Variants in PTGER3 observed in about 807,000 individuals in gnomAD.
PTGER3 encodes the protein prostaglandin E2 receptor EP3 subtype.
A neutral mutation model predicts 34.7 loss-of-function variants in PTGER3; 22 were observed. That is an observed-to-expected ratio of 0.63 (90% CI 0.45 to 0.91). The LOEUF (loss-of-function observed/expected upper bound fraction) is 0.91, where lower values mean the gene tolerates loss of function less well. PTGER3 is among the 40% of genes least tolerant of loss of function. The probability of loss-of-function intolerance (pLI) is 0.00; values close to 1 mark genes in which losing one functional copy is unlikely to be tolerated. For missense variants in PTGER3, 468 were observed against 519.4 expected, an observed-to-expected ratio of 0.90 and a Z score of 0.96; for synonymous variants, 241 against 230.1, an observed-to-expected ratio of 1.05 and a Z score of -0.43.
chr1:70,945,519 C>G (rs1043441166), intron 4 of PTGER3, among the ~76,000 whole-genome samples: 2 of 152,020 alleles, frequency 1.3e-5, no homozygotes, highest in African/African-American at 4.8e-5. Context: ...CTTATACAAC[C>G]TAATAGGACT....
chr1:71,012,670 C>G (rs1057114138), intron 1 of PTGER3, among the ~76,000 whole-genome samples, 186 bp from the exon 2 acceptor site: 4 of 152,134 alleles, frequency 2.6e-5, no homozygotes, highest in African/African-American at 9.7e-5. Flanking sequence ...GGTATTTTCC[C>G]ACATTTGTGG....
chr1:71,039,361 A>G (rs1017874409), intron 1 of PTGER3, among the ~76,000 whole-genome samples: 24 of 152,068 alleles, frequency 1.6e-4, no homozygotes, highest in Admixed American at 1.2e-3. Flanking sequence ...GGAGGGATGA[A>G]TTACAATACC....
chr1:70,990,336 GAC>G (rs1655326944), intron 2 of PTGER3, among the ~76,000 whole-genome samples: 1 of 143,080 alleles, frequency 7.0e-6, no homozygotes, highest in African/African-American at 2.6e-5. Context: ...CAGCCTGGGC[GAC>G]AGAACGAGAC....
downstream of PTGER3, among the ~76,000 whole-genome samples, chr1:70,950,258 T>C (rs1222068813): frequency 6.6e-6 from 1 of 152,216 alleles, no homozygotes; most frequent in Admixed American, 6.5e-5. Context: ...CCTTACTTCT[T>C]GCACATCTAG....
chr1:70,869,548 A>T (rs1230703265), intron 4 of PTGER3, among the ~76,000 whole-genome samples: 4 of 152,164 alleles, frequency 2.6e-5, no homozygotes, highest in Non-Finnish European at 5.9e-5. Context: ...AGTTCCTTCC[A>T]CCTATAAGCC....
chr1:70,987,640 G>A (rs1198018553), intron 2 of PTGER3, among the ~76,000 whole-genome samples: 1 of 152,122 alleles, frequency 6.6e-6, no homozygotes, highest in African/African-American at 2.4e-5. Flanking sequence ...TCACTGTCAG[G>A]GGCAAAACAC....
intron 4 of PTGER3, among the ~76,000 whole-genome samples, chr1:70,888,641 A>C (rs1646548379): frequency 6.6e-6 from 1 of 152,110 alleles, no homozygotes. Context: ...TGTTTCCTTT[A>C]ACCTGCTTTC....
At chr1:70,891,680 AC>A (rs1646620895) in intron 4 of PTGER3, among the ~76,000 whole-genome samples, 1 of 152,206 alleles carries the variant, frequency 6.6e-6, no homozygotes, top group African/African-American at 2.4e-5. Flanking sequence ...TGTTCTTGAT[AC>A]AGTCTGCTTG....
chr1:71,020,970 A>G (rs1658364494), intron 1 of PTGER3, among the ~76,000 whole-genome samples: 1 of 152,018 alleles, frequency 6.6e-6, no homozygotes, highest in Non-Finnish European at 1.5e-5. Context: ...AATAATTAAT[A>G]CCTTCAATTT....
At chr1:70,966,393 A>C (rs1652517106), downstream of PTGER3, among the ~76,000 whole-genome samples, 1 of 152,190 alleles carries the variant, frequency 6.6e-6, no homozygotes, top group South Asian at 2.1e-4. Flanking sequence ...AACCTATAGA[A>C]ATAAAAAATT....
Position 70,974,394 on chromosome 1 carries a change from AACAG to A in PTGER3, c.1078-10_1078-7del. On this transcript the variant is annotated splice_region_variant and splice_polypyrimidine_tract_variant and intron_variant, in intron 2 of 3. Coordinates refer to ENST00000306666, the MANE Select transcript of PTGER3 (RefSeq NM_198719.2). The stretch of plus-strand genomic sequence containing the variant: ...TTGTTTGTGTGGTACCTGATCTGTG[AACAG>A]ACAGAGGATTTCACAGGACACTTCC... 1.0e-6 allele frequency: 1 copy of A among 957,706 alleles called. No individual in the cohort carries two copies. The allele number at this position is 957,706 out of a possible 1,614,324, so 59.3% of individuals were successfully genotyped here. A position where few individuals can be genotyped will look rare whatever the true frequency, so the allele number is the denominator to read the frequency against.
downstream of PTGER3, among the ~76,000 whole-genome samples, chr1:70,966,999 T>G (rs1652595164): frequency 2.6e-5 from 4 of 152,112 alleles, no homozygotes; most frequent in Admixed American, 2.6e-4. Flanking sequence ...GTATTTCTGG[T>G]TCTAGATCCT....
At chr1:70,882,776 G>A (rs189565336) in intron 4 of PTGER3, among the ~76,000 whole-genome samples, 12 of 152,246 alleles carry the variant, frequency 7.9e-5, no homozygotes, top group Non-Finnish European at 1.6e-4. Context: ...TTTACCATGT[G>A]GGAGAGGTTC....
chr1:70,977,848 T>G (rs1653862134), intron 2 of PTGER3, among the ~76,000 whole-genome samples: 1 of 152,064 alleles, frequency 6.6e-6, no homozygotes, highest in Non-Finnish European at 1.5e-5. Context: ...TTGCCTCCCT[T>G]TAACACCAGC....
At chr1:70,965,953 T>A (rs1342519185), downstream of PTGER3, among the ~76,000 whole-genome samples, 2 of 152,180 alleles carry the variant, frequency 1.3e-5, no homozygotes, top group Non-Finnish European at 2.9e-5. Context: ...TTCCAATGCA[T>A]CTAAAGAGAT....
downstream of PTGER3, among the ~76,000 whole-genome samples, chr1:70,965,789 T>C (rs1652454119): frequency 6.6e-6 from 1 of 152,278 alleles, no homozygotes; most frequent in South Asian, 2.1e-4. Context: ...GTATTTTTCA[T>C]TGTTCTGTGG....
intron 2 of PTGER3, chr1:71,008,056 GT>G (rs1657119151): frequency 7.1e-6 from 7 of 983,708 alleles, no homozygotes; most frequent in Non-Finnish European, 8.4e-6. Flanking sequence ...AAAATATGAA[GT>G]TATTATCTCT....
intron 2 of PTGER3, 102 bp from the exon 3 acceptor site, chr1:70,974,490 A>T: frequency 1.5e-6 from 1 of 665,298 alleles, no homozygotes; most frequent in East Asian, 2.7e-5. Flanking sequence ...TATGATCAAT[A>T]TGGATGTTTT....
In PTGER3 at chr1:70,979,304, G is replaced by GA. The variant is rs33963138; in HGVS notation, c.1078-4917dup. Among the ~76,000 whole-genome samples, 1,030 of 140,940 alleles carry GA rather than the reference G, an allele frequency of 7.3e-3. 25 individuals carry two copies. Among genetic ancestry groups the GA allele is most frequent in the Admixed American group, 0.057 (808 of 14,104 alleles). The allele number at this position is 140,940 out of a possible 152,430, so 92.5% of individuals were successfully genotyped here. A position where few individuals can be genotyped will look rare whatever the true frequency, so the allele number is the denominator to read the frequency against. ...TAGATATTATTTCTATTTTATAGGT[G>GA]AAAAAAAAAAAAGCTGAGTGAAGTT... On this transcript the variant is annotated intron_variant, in intron 2 of 3. Transcript: ENST00000306666.
Sources: allele counts gnomAD v4.1 joint callset (sites outside exome capture counted in the v4.1 genomes callset), GRCh38; gene constraint gnomAD v4.1.1; transcripts MANE v1.5; gene names NCBI Gene and HGNC (gene_info 2026-07-23, HGNC 2026-07-21).